DUSP3: variants seen among roughly 807,000 people sequenced by gnomAD.
DUSP3 encodes the protein dual specificity protein phosphatase 3.
Under a neutral mutation model 15.5 loss-of-function variants are expected in DUSP3, and 7 were observed. The observed-to-expected ratio is 0.45, with a 90% CI of 0.26 to 0.85. The LOEUF is 0.85. Ranked by LOEUF, DUSP3 falls within the 40% of genes least tolerant of loss-of-function variation. The probability of loss-of-function intolerance (pLI) is 0.18; values close to 1 mark genes in which losing one functional copy is unlikely to be tolerated. For missense variants in DUSP3, 209 were observed against 251.7 expected, an observed-to-expected ratio of 0.83 and a Z score of 1.15; for synonymous variants, 86 against 104.2, an observed-to-expected ratio of 0.83 and a Z score of 1.07.
chr17:43,771,493 T>C (rs555032133), intron 2 of DUSP3, among the ~76,000 whole-genome samples: 2 of 151,574 alleles, frequency 1.3e-5, no homozygotes, highest in African/African-American at 4.9e-5. Context: ...AGTTTTCTTA[T>C]CTGGCCAATA....
Position 43,767,323 on chromosome 17 carries a change from G to C in DUSP3, c.*2286C>G, listed in dbSNP as rs1315698262. ...GAGCAGAGCAGAAAGCTCTACTTCG[G>C]GGTGCTACATCCCACCTGGAGAAAG... is the stretch of plus-strand genomic sequence containing the variant. On this transcript the variant is annotated 3_prime_UTR_variant, in exon 3 of 3. Transcript: ENST00000226004. 6.6e-6 allele frequency: 1 copy of C among 152,570 alleles called. No individual in the cohort carries two copies. The highest frequency in any genetic ancestry group is 1.5e-5 in the Non-Finnish European group (1 of 68,090). The allele number at this position is 152,570 out of a possible 1,614,324, so 9.5% of individuals were successfully genotyped here.
Position 43,778,966 on chromosome 17 carries a change from G to A in DUSP3, c.-42C>T, listed in dbSNP as rs955755355. On this transcript the variant is annotated 5_prime_UTR_variant, in exon 1 of 3. Transcript: ENST00000226004. ...TGCACGCCCGGCAGGAGCAAGCGAG[G>A]CGGAGAGCGGCGGATCAGCTGGGCG... 1.3e-5 allele frequency: 17 copies of A among 1,317,914 alleles called. No individual in the cohort carries two copies. The highest frequency in any genetic ancestry group is 1.7e-5 in the Non-Finnish European group (17 of 1,027,372). 81.6% of individuals were successfully genotyped at this position (1,317,914 alleles called of 1,614,324 possible). A position where few individuals can be genotyped will look rare whatever the true frequency, so the allele number is the denominator to read the frequency against.
intron 2 of DUSP3, among the ~76,000 whole-genome samples, chr17:43,770,659 CA>C (rs200261838): frequency 8.9e-4 from 123 of 137,628 alleles, no homozygotes; most frequent in Non-Finnish European, 9.3e-4. Context: ...GACTCTGTCT[CA>C]AAAAAAAAAA....
At chr17:43,771,030 G>GTA (rs759070367) in intron 2 of DUSP3, among the ~76,000 whole-genome samples, 2,585 of 145,214 alleles carry the variant, frequency 0.018, 35 homozygotes, top group Middle Eastern at 0.048. Context: ...GTATGTGTGT[G>GTA]TATATATATA....
chr17:43,773,232 G>A lies in DUSP3; in HGVS notation c.352+1480C>T, dbSNP rs80003847. 2.5e-3 allele frequency among the ~76,000 whole-genome samples: 387 copies of A among 152,342 alleles called. 2 individuals are homozygous for A. Among genetic ancestry groups the A allele is most frequent in the Middle Eastern group, 0.014 (4 of 294 alleles). ...AAATCATTCAGACAGTGAGCCTGCT[G>A]GGCCCAAGAGTCATCAGTGTAGTAC... On this transcript the variant is annotated intron_variant, in intron 2 of 2. Transcript: ENST00000226004.
chr17:43,773,531 A>G (rs1337227571), intron 2 of DUSP3, among the ~76,000 whole-genome samples: 1 of 152,136 alleles, frequency 6.6e-6, no homozygotes, highest in Non-Finnish European at 1.5e-5. Flanking sequence ...TGGCTGGAAG[A>G]TTTGGCCAGG....
chr17:43,771,172 C>T (rs1467982285), intron 2 of DUSP3, among the ~76,000 whole-genome samples: 2 of 151,902 alleles, frequency 1.3e-5, no homozygotes, highest in African/African-American at 4.8e-5. Context: ...AACCTCTGCA[C>T]AGCACATCCT....
At chr17:43,777,673 C>G in intron 1 of DUSP3, 1 of 404,888 alleles carries the variant, frequency 2.5e-6, no homozygotes, top group Non-Finnish European at 5.0e-6. Flanking sequence ...ATTTTGGTAA[C>G]TGGGTCCTCA....
rs191249658 is a variant in DUSP3, at chr17:43,770,417, G to A, written c.353-603C>T. On this transcript the variant is annotated intron_variant, in intron 2 of 2. Transcript: ENST00000226004. ...TCACGCCTGTAATCCCAGCACTTTG[G>A]GAGGCCAAGGCAACTGGATCACAAG... Among the ~76,000 whole-genome samples the A allele has an allele frequency of 4.2e-3, 645 of 152,266 alleles. 4 individuals are homozygous for A. The highest frequency in any genetic ancestry group is 0.015 in the African/African-American group (616 of 41,566).
chr17:43,775,614 A>C (rs1050731120), intron 1 of DUSP3, among the ~76,000 whole-genome samples: 1 of 152,208 alleles, frequency 6.6e-6, no homozygotes, highest in African/African-American at 2.4e-5. Context: ...ACCATCTGCT[A>C]TAGTACCTGC....
chr17:43,770,988 A>ATGTG (rs1373635601), intron 2 of DUSP3, among the ~76,000 whole-genome samples: 34 of 55,778 alleles, frequency 6.1e-4, no homozygotes, highest in Admixed American at 1.8e-3. Flanking sequence ...GCGTGTATAT[A>ATGTG]TATGTGTGTG....
intron 2 of DUSP3, among the ~76,000 whole-genome samples, chr17:43,772,078 A>G (rs1412456471): frequency 6.6e-6 from 1 of 152,052 alleles, no homozygotes; most frequent in African/African-American, 2.4e-5. Flanking sequence ...AATCTCTAGC[A>G]TACACTATGT....
intron 2 of DUSP3, 56 bp downstream of exon 2, chr17:43,774,656 G>A: frequency 1.3e-6 from 2 of 1,589,268 alleles, no homozygotes; most frequent in Non-Finnish European, 1.7e-6. Context: ...CTGTTTTCCA[G>A]AGGGACAGTC....
intron 2 of DUSP3, among the ~76,000 whole-genome samples, chr17:43,770,908 G>A (rs534677447): frequency 1.3e-4 from 19 of 151,640 alleles, no homozygotes; most frequent in Admixed American, 3.9e-4. Context: ...ACAGGCGCAT[G>A]CCACCATGCC....
intron 2 of DUSP3, among the ~76,000 whole-genome samples, chr17:43,770,169 C>A (rs2154590621): frequency 6.6e-6 from 1 of 152,248 alleles, no homozygotes; most frequent in African/African-American, 2.4e-5. Context: ...CGAACATGGG[C>A]CAGAATGTTC....
At chr17:43,776,178 T>C (rs372005238) in intron 1 of DUSP3, among the ~76,000 whole-genome samples, 4 of 152,336 alleles carry the variant, frequency 2.6e-5, no homozygotes, top group African/African-American at 9.6e-5. Context: ...AAAGGCCCCT[T>C]TATTTCATCT....
intron 1 of DUSP3, among the ~76,000 whole-genome samples, chr17:43,775,286 G>A (rs1380275392): frequency 6.6e-6 from 1 of 152,130 alleles, no homozygotes; most frequent in African/African-American, 2.4e-5. Context: ...AGCTGTGGTG[G>A]GGGTGTACAT....
intron 2 of DUSP3, among the ~76,000 whole-genome samples, chr17:43,770,990 ATGTGTGTGTGTGTGTGTG>A (rs71160061): frequency 6.8e-6 from 1 of 146,656 alleles, no homozygotes; most frequent in South Asian, 2.2e-4. Flanking sequence ...GTGTATATAT[ATGTGTGTGTGTGTGTGTG>A]TGTGTGTGTG....
Position 43,767,422 on chromosome 17 carries a change from A to T in DUSP3, c.*2187T>A, listed in dbSNP as rs561514579. On this transcript the variant is annotated 3_prime_UTR_variant, in exon 3 of 3. Transcript: ENST00000226004. ...CCGGGGCTGGATTGAGGGTAAGTGCAGTACACCTGGAGATCCCAGGGAGCC... is the reference window on the plus strand; with the variant it reads ...CCGGGGCTGGATTGAGGGTAAGTGCTGTACACCTGGAGATCCCAGGGAGCC... 1 of 152,752 alleles carries T rather than the reference A, an allele frequency of 6.5e-6. No homozygotes were observed. Among genetic ancestry groups the T allele is most frequent in the East Asian group, 1.9e-4 (1 of 5,170 alleles). 9.5% of individuals were successfully genotyped at this position (152,752 alleles called of 1,614,324 possible). A position where few individuals can be genotyped will look rare whatever the true frequency, so the allele number is the denominator to read the frequency against.
Sources: allele counts gnomAD v4.1 joint callset (sites outside exome capture counted in the v4.1 genomes callset), GRCh38; gene constraint gnomAD v4.1.1; transcripts MANE v1.5; gene names NCBI Gene and HGNC (gene_info 2026-07-23, HGNC 2026-07-21).